Variants in REV3L observed in about 807,000 individuals in gnomAD.
The protein encoded by REV3L is DNA polymerase zeta catalytic subunit.
REV3L carries 69 observed loss-of-function variants against 299.4 expected under a neutral mutation model. The observed-to-expected ratio is 0.23, with a 90% CI of 0.19 to 0.28. REV3L has a LOEUF of 0.28. Among genes scored for constraint, REV3L ranks in the 10% least tolerant of loss-of-function variants. The probability of loss-of-function intolerance (pLI) is 1.00; values close to 1 mark genes in which losing one functional copy is unlikely to be tolerated. For synonymous variants in REV3L, 1,238 were observed against 1,271.4 expected, an observed-to-expected ratio of 0.97 and a Z score of 0.56; for missense variants, 3,128 against 3,693.8, an observed-to-expected ratio of 0.85 and a Z score of 3.97.
chr6:111,367,785 T>C lies in REV3L; in HGVS notation c.6003A>G (p.Pro2001=), dbSNP rs1779376206. 6.2e-7 allele frequency: 1 copy of C among 1,614,072 alleles called. No individual in the cohort carries two copies. Among genetic ancestry groups the C allele is most frequent in the Non-Finnish European group, 8.5e-7 (1 of 1,180,030 alleles). Residue 2001 remains proline, a synonymous_variant, in exon 14 of 32, where the codon CCA becomes CCG. Coordinates refer to ENST00000368802, the MANE Select transcript of REV3L (RefSeq NM_001372078.1). The part of the protein sequence containing the change: ...KIVIMPCKCA[P]SRQLVQVWLQ... ...GCCACACTTGAACCAGTTGTCGACT[T>C]GGGGCACATTTGCAAGGCATAATCA...
At chr6:111,304,834 A>G (rs969572206) in intron 31 of REV3L, among the ~76,000 whole-genome samples, 1 of 151,872 alleles carries the variant, frequency 6.6e-6, no homozygotes, top group African/African-American at 2.4e-5. Flanking sequence ...TGTTCATTAT[A>G]TGTGAGAACA....
At chr6:111,354,883 C>T (rs1290842453) in intron 18 of REV3L, among the ~76,000 whole-genome samples, 2 of 151,708 alleles carry the variant, frequency 1.3e-5, no homozygotes, top group African/African-American at 2.4e-5. Flanking sequence ...AACTCACTAC[C>T]ATCTACACAC....
intron 14 of REV3L, among the ~76,000 whole-genome samples, chr6:111,366,179 T>A (rs778684764): frequency 6.6e-6 from 1 of 152,148 alleles, no homozygotes; most frequent in Non-Finnish European, 1.5e-5. Flanking sequence ...TGTGGAGGCA[T>A]GTATATATAA....
At chr6:111,442,332 T>A (rs1788365653) in intron 1 of REV3L, among the ~76,000 whole-genome samples, 2 of 152,234 alleles carry the variant, frequency 1.3e-5, no homozygotes, top group African/African-American at 2.4e-5. Flanking sequence ...ATGTCAGTAT[T>A]GCATCAAGTT....
At chr6:111,462,632 TTTAAAAC>T (rs1229415933) in intron 1 of REV3L, among the ~76,000 whole-genome samples, 1 of 152,166 alleles carries the variant, frequency 6.6e-6, no homozygotes, top group African/African-American at 2.4e-5. Context: ...TAATTCCTAA[TTTAAAAC>T]TTAAGTCTGA....
intron 31 of REV3L, among the ~76,000 whole-genome samples, chr6:111,304,907 A>G (rs1364430102): frequency 6.7e-6 from 1 of 150,342 alleles, no homozygotes; most frequent in Non-Finnish European, 1.5e-5. Flanking sequence ...AGCTGCATCC[A>G]TGTTGTTACA....
rs1384512881 is a variant in REV3L, at chr6:111,299,180, G to T, written c.*836C>A. On this transcript the variant is annotated 3_prime_UTR_variant, in exon 32 of 32. Transcript: ENST00000368802. ...TACAAATATTCTAAATACACATTTTGTGTTCAAGATGATGGCAAATAAGAT... is the reference window on the plus strand; with the variant it reads ...TACAAATATTCTAAATACACATTTTTTGTTCAAGATGATGGCAAATAAGAT... The T allele has an allele frequency of 1.3e-5, 2 of 152,290 alleles. No homozygotes were observed. Among genetic ancestry groups the T allele is most frequent in the Non-Finnish European group, 2.9e-5 (2 of 67,956 alleles). 9.4% of individuals were successfully genotyped at this position (152,290 alleles called of 1,614,324 possible). A position where few individuals can be genotyped will look rare whatever the true frequency, so the allele number is the denominator to read the frequency against.
chr6:111,349,040 G>T (rs1031533378), intron 20 of REV3L, 178 bp downstream of exon 20: 17 of 428,192 alleles, frequency 4.0e-5, no homozygotes, highest in African/African-American at 2.7e-4. Context: ...AAACATTAAA[G>T]TCTATTACCT....
intron 21 of REV3L, among the ~76,000 whole-genome samples, chr6:111,342,498 C>T (rs573312786): frequency 1.3e-5 from 2 of 152,106 alleles, no homozygotes; most frequent in Non-Finnish European, 2.9e-5. Context: ...GAAACCCCGT[C>T]TCTACTAAAA....
At chr6:111,480,835 T>G (rs1793538566) in intron 1 of REV3L, among the ~76,000 whole-genome samples, 2 of 146,666 alleles carry the variant, frequency 1.4e-5, no homozygotes, top group South Asian at 2.1e-4. Flanking sequence ...TTTTTTCGTT[T>G]TTGTTTTTTT....
intron 2 of REV3L, among the ~76,000 whole-genome samples, chr6:111,415,137 C>G (rs536093213): frequency 2.4e-4 from 37 of 152,236 alleles, no homozygotes; most frequent in Middle Eastern, 3.4e-3. Context: ...GAGTGATTAA[C>G]AAACTTAAGC....
chr6:111,303,165 CT>C (rs1189398273), intron 31 of REV3L, among the ~76,000 whole-genome samples: 3,028 of 92,260 alleles, frequency 0.033, 66 homozygotes, highest in African/African-American at 0.097. Flanking sequence ...TCTTTTCTTT[CT>C]TTTTTTTTTT....
intron 1 of REV3L, among the ~76,000 whole-genome samples, chr6:111,470,572 G>T (rs1792076018): frequency 6.6e-6 from 1 of 152,120 alleles, no homozygotes; most frequent in African/African-American, 2.4e-5. Flanking sequence ...TAAAATTAAG[G>T]TCTTTTAACT....
intron 13 of REV3L, among the ~76,000 whole-genome samples, chr6:111,368,862 T>C (rs1021713131): frequency 6.6e-6 from 1 of 152,212 alleles, no homozygotes; most frequent in African/African-American, 2.4e-5. Flanking sequence ...TCTTAGGGCA[T>C]GATTCCCCAA....
chr6:111,392,840 T>C (rs1157744015), intron 5 of REV3L, 36 bp downstream of exon 5: 6 of 1,298,622 alleles, frequency 4.6e-6, no homozygotes, highest in Non-Finnish European at 6.7e-6. Context: ...CTAGGATATA[T>C]GTAAAATTTT....
In REV3L at chr6:111,309,864, C is replaced by T; in HGVS notation, c.9031G>A (p.Glu3011Lys). 1 of 1,613,550 alleles carries T rather than the reference C, an allele frequency of 6.2e-7. No individual in the cohort carries two copies. The highest frequency in any genetic ancestry group is 8.5e-7 in the Non-Finnish European group (1 of 1,179,690). Reference protein sequence around the residue: ...IGIDVFSWYHELPRIHKATSS... With the variant: ...IGIDVFSWYHKLPRIHKATSS... ...TTTGGTAAGCTTACCCTTGGTAATTCATGATACCAGCTGAAGACATCAATA... is the reference window on the plus strand; with the variant it reads ...TTTGGTAAGCTTACCCTTGGTAATTTATGATACCAGCTGAAGACATCAATA... Residue 3011 changes from glutamate to lysine, a missense_variant, in exon 30 of 32, where the codon GAA (glutamate) becomes AAA (lysine). By Grantham distance (56) the Glu-to-Lys change is moderately conservative. This residue lies in a region of REV3L where 294 missense variants were observed against 377.0 expected (regional missense o/e 0.78). Transcript: ENST00000368802.
At chr6:111,418,635 T>C (rs1006521186) in intron 1 of REV3L, among the ~76,000 whole-genome samples, 7 of 152,202 alleles carry the variant, frequency 4.6e-5, no homozygotes, top group South Asian at 2.1e-4. Flanking sequence ...TATTAAGCAA[T>C]AGAATCCAGC....
intron 7 of REV3L, 124 bp downstream of exon 7, chr6:111,388,982 T>C (rs895490331): frequency 6.0e-6 from 4 of 666,084 alleles, no homozygotes; most frequent in African/African-American, 1.8e-5. Context: ...ACAAGAAAAA[T>C]ACATACAAAA....
chr6:111,416,465 C>T lies in REV3L; in HGVS notation c.147G>A (p.Lys49=), dbSNP rs375068986. 2.3e-5 allele frequency: 37 copies of T among 1,611,256 alleles called. No individual in the cohort carries two copies. Among genetic ancestry groups the T allele is most frequent in the Non-Finnish European group, 3.1e-5 (37 of 1,178,304 alleles). Residue 49 remains lysine, a synonymous_variant, in exon 2 of 32, where the codon AAG becomes AAA. Coordinates refer to ENST00000368802, the MANE Select transcript of REV3L (RefSeq NM_001372078.1). The part of the protein sequence containing the change: ...RVFGATPAGQ[K]TCLHLHGIFP... ...AGATGCCATGTAGATGAAGACATGT[C>T]TTCTGACCTAAAATGTAACACATTA...
Sources: allele counts gnomAD v4.1 joint callset (sites outside exome capture counted in the v4.1 genomes callset), GRCh38; gene constraint gnomAD v4.1.1; regional missense constraint gnomAD v4.1.1; transcripts MANE v1.5; gene names NCBI Gene and HGNC (gene_info 2026-07-23, HGNC 2026-07-21).